The following DAP variants were observed in gnomAD, a reference collection of about 807,000 sequenced individuals.
The protein encoded by DAP is death-associated protein 1.
Under a neutral mutation model 13.8 loss-of-function variants are expected in DAP, and 8 were observed. The ratio of observed to expected loss-of-function variants is 0.58; its 90% CI spans 0.34 to 1.05. The LOEUF (loss-of-function observed/expected upper bound fraction) is 1.05, where lower values mean the gene tolerates loss of function less well. DAP is among the 50% of genes least tolerant of loss of function. The pLI is 0.03. For synonymous variants in DAP, 47 were observed against 47.5 expected (o/e 0.99, Z 0.04); for missense variants, 106 against 133.2 (o/e 0.80, Z 1.01).
chr5:10,697,469 A>G (rs929810381), intron 2 of DAP, among the ~76,000 whole-genome samples: 1 of 152,120 alleles, frequency 6.6e-6, no homozygotes, highest in African/African-American at 2.4e-5. Flanking sequence ...TGGAATTTCA[A>G]TTATGGGGAG....
At chr5:10,700,091 C>T (rs547904821) in intron 2 of DAP, among the ~76,000 whole-genome samples, 6 of 152,200 alleles carry the variant, frequency 3.9e-5, no homozygotes, top group Non-Finnish European at 8.8e-5. Context: ...TGGGCCCCTC[C>T]GCGGGCAGGA....
chr5:10,759,110 C>A (rs567833691), intron 1 of DAP, among the ~76,000 whole-genome samples: 1 of 150,170 alleles, frequency 6.7e-6, no homozygotes, highest in South Asian at 2.2e-4. Flanking sequence ...TCTCTTGAAC[C>A]TAGAAGGCGG....
At chr5:10,713,959 A>T (rs1304921640) in intron 2 of DAP, among the ~76,000 whole-genome samples, 1 of 152,252 alleles carries the variant, frequency 6.6e-6, no homozygotes, top group Non-Finnish European at 1.5e-5. Context: ...GCAGCAAAGC[A>T]GCCTTGCAAT....
chr5:10,714,295 C>T (rs1051409456), intron 2 of DAP, among the ~76,000 whole-genome samples: 27 of 152,190 alleles, frequency 1.8e-4, no homozygotes, highest in African/African-American at 6.5e-4. Context: ...AACTCAGCAG[C>T]ATCAGCAGTG....
At chr5:10,746,919 G>A (rs978093723) in intron 2 of DAP, among the ~76,000 whole-genome samples, 1 of 152,198 alleles carries the variant, frequency 6.6e-6, no homozygotes, top group African/African-American at 2.4e-5. Context: ...CCATTTGGAA[G>A]CCTAGCCCGC....
At chr5:10,710,403 T>A (rs1408157360) in intron 2 of DAP, among the ~76,000 whole-genome samples, 1 of 152,202 alleles carries the variant, frequency 6.6e-6, no homozygotes, top group Non-Finnish European at 1.5e-5. Flanking sequence ...GTTCTCTGTG[T>A]TCACCCCACT....
chr5:10,721,300 G>C (rs1739133384), intron 2 of DAP, among the ~76,000 whole-genome samples: 1 of 152,144 alleles, frequency 6.6e-6, no homozygotes, highest in Non-Finnish European at 1.5e-5. Flanking sequence ...TTTGCTTCCT[G>C]TTCCCACAAC....
intron 2 of DAP, among the ~76,000 whole-genome samples, chr5:10,739,201 CAAAAAAAAAAAAA>C (rs10644743): frequency 4.2e-5 from 3 of 71,614 alleles, no homozygotes; most frequent in Admixed American, 4.6e-4. Flanking sequence ...GACTCTGAAT[CAAAAAAAAAAAAA>C]AAAAAAAAAA....
chr5:10,736,330 T>G (rs373240654), intron 2 of DAP, among the ~76,000 whole-genome samples: 10 of 152,364 alleles, frequency 6.6e-5, no homozygotes, highest in African/African-American at 2.4e-4. Flanking sequence ...GCAGCCAGCC[T>G]GCCTGGAAGT....
chr5:10,693,860 T>C (rs979744696), intron 2 of DAP, among the ~76,000 whole-genome samples: 5 of 152,242 alleles, frequency 3.3e-5, no homozygotes, highest in African/African-American at 1.2e-4. Context: ...TAGTGGATTT[T>C]TTTTCCTGAA....
intron 2 of DAP, among the ~76,000 whole-genome samples, chr5:10,733,212 C>A (rs1173174323): frequency 7.8e-6 from 1 of 127,574 alleles, no homozygotes; most frequent in Admixed American, 8.1e-5. Context: ...GTGTGTATAC[C>A]CTACATTTTG....
In DAP at chr5:10,681,180, A is replaced by G. The variant is rs765145732; in HGVS notation, c.196-11T>C. ...GAAATCTTTGTCACCCTGTCAGGAA[A>G]CACGGAAAGCTCAGGTTAATCAATA... On this transcript the variant is annotated splice_polypyrimidine_tract_variant and intron_variant, in intron 3 of 3. Coordinates refer to ENST00000230895, the MANE Select transcript of DAP (RefSeq NM_004394.3). The G allele has an allele frequency of 3.4e-6, 5 of 1,485,978 alleles. No individual in the cohort carries two copies. The highest frequency in any genetic ancestry group is 2.5e-5 in the Admixed American group (1 of 39,478). The allele number at this position is 1,485,978 out of a possible 1,614,324, so 92.0% of individuals were successfully genotyped here.
chr5:10,739,179 G>A (rs567812423), intron 2 of DAP, among the ~76,000 whole-genome samples: 2 of 113,560 alleles, frequency 1.8e-5, no homozygotes, highest in South Asian at 5.7e-4. Flanking sequence ...TCCAGCCTGG[G>A]TGACAGAGCA....
intron 2 of DAP, among the ~76,000 whole-genome samples, chr5:10,739,282 T>C (rs1739696164): frequency 7.0e-6 from 1 of 143,224 alleles, no homozygotes; most frequent in Admixed American, 7.0e-5. Context: ...ATATGAGGAA[T>C]ATGGTGAGGG....
In DAP at chr5:10,758,589, A is replaced by C. The variant is rs191254110; in HGVS notation, c.55+2425T>G. Among the ~76,000 whole-genome samples, 260 of 152,328 alleles carry C rather than the reference A, an allele frequency of 1.7e-3. 1 individual carries two copies. The highest frequency in any genetic ancestry group is 3.4e-3 in the Non-Finnish European group (231 of 68,026). Reference sequence around the variant, plus strand: ...AGAGGAGTTTACCTGGGGGATGAACAGTGCTGGTACCCTGATGCTGAAGCG... The same window carrying C: ...AGAGGAGTTTACCTGGGGGATGAACCGTGCTGGTACCCTGATGCTGAAGCG... On this transcript the variant is annotated intron_variant, in intron 1 of 3. Transcript: ENST00000230895.
Position 10,681,166 on chromosome 5 carries a change from C to A in DAP, c.199G>T (p.Asp67Tyr), listed in dbSNP as rs1164445711. ...VFISGVIARG[D>Y]KDFPPAAAQV... ...GCAGCCGCCGGGGGGAAATCTTTGT[C>A]ACCCTGTCAGGAAACACGGAAAGCT... The change falls in exon 4 of 4, where the codon GAC becomes TAC. Residue 67 changes from aspartate (D) to tyrosine (Y), a missense_variant. Transcript: ENST00000230895. 4 of 1,500,262 alleles carry A rather than the reference C, an allele frequency of 2.7e-6. No homozygotes were observed. Among genetic ancestry groups the A allele is most frequent in the Non-Finnish European group, 3.6e-6 (4 of 1,126,170 alleles). The allele number at this position is 1,500,262 out of a possible 1,614,324, so 92.9% of individuals were successfully genotyped here. A position where few individuals can be genotyped will look rare whatever the true frequency, so the allele number is the denominator to read the frequency against.
In DAP at chr5:10,707,467, C is replaced by T. The variant is rs757652468; in HGVS notation, c.153-23896G>A. ...GCAGGAGAGCTGGTGGTGTGATGCA[C>T]GGGTGATGTGGTGCATAAACTATGT... On this transcript the variant is annotated intron_variant, in intron 2 of 3. Transcript: ENST00000230895. This position sits in a 1 kb window ranked among gnomAD's most constrained non-coding sequence, Gnocchi z 4.0. Among the ~76,000 whole-genome samples the T allele has an allele frequency of 1.8e-4, 28 of 152,042 alleles. No individual in the cohort carries two copies. The highest frequency in any genetic ancestry group is 3.5e-4 in the Non-Finnish European group (24 of 67,984).
chr5:10,732,952 C>T (rs1363203215), intron 2 of DAP, among the ~76,000 whole-genome samples: 2 of 152,204 alleles, frequency 1.3e-5, no homozygotes, highest in African/African-American at 2.4e-5. Flanking sequence ...CACTAATCCA[C>T]ATTTCCCTTT....
Position 10,681,018 on chromosome 5 carries a change from A to T in DAP, c.*38T>A. The T allele has an allele frequency of 6.4e-7, 1 of 1,562,392 alleles. No individual in the cohort carries two copies. The highest frequency in any genetic ancestry group is 8.7e-7 in the Non-Finnish European group (1 of 1,152,500). ...CTGTCAGGGAAATACCAAGTGCAGCAGAGCCGGGGCCATGGGGCAGGCTGG... is the reference window on the plus strand; with the variant it reads ...CTGTCAGGGAAATACCAAGTGCAGCTGAGCCGGGGCCATGGGGCAGGCTGG... On this transcript the variant is annotated 3_prime_UTR_variant, in exon 4 of 4. Coordinates refer to ENST00000230895, the MANE Select transcript of DAP (RefSeq NM_004394.3).
Sources: allele counts gnomAD v4.1 joint callset (sites outside exome capture counted in the v4.1 genomes callset), GRCh38; gene constraint gnomAD v4.1.1; non-coding constraint Gnocchi (gnomAD v3.1); transcripts MANE v1.5; gene names NCBI Gene and HGNC (gene_info 2026-07-23, HGNC 2026-07-21).